The following NCOA2 variants were observed in gnomAD, a reference collection of about 807,000 sequenced individuals.
NCOA2 encodes the protein nuclear receptor coactivator 2.
In NCOA2, 21 loss-of-function variants were observed where a neutral mutation model predicts 145.1. That is an observed-to-expected ratio of 0.14 (90% CI 0.10 to 0.21). The LOEUF is 0.21. Ranked by LOEUF, NCOA2 falls within the 10% of genes least tolerant of loss-of-function variation. The probability of loss-of-function intolerance (pLI) is 1.00; values close to 1 mark genes in which losing one functional copy is unlikely to be tolerated. For missense variants in NCOA2, 1,472 were observed against 1,837.6 expected (o/e 0.80, Z 3.64); for synonymous variants, 619 against 637.5 (o/e 0.97, Z 0.44).
chr8:70,249,977 A>AAAAAG lies in NCOA2; in HGVS notation c.-19-33214_-19-33213insCTTTT, dbSNP rs751876043. 2.3e-3 allele frequency among the ~76,000 whole-genome samples: 315 copies of AAAAAG among 137,902 alleles called. 7 individuals are homozygous for AAAAAG. Among genetic ancestry groups the AAAAAG allele is most frequent in the Middle Eastern group, 3.7e-3 (1 of 268 alleles). The allele number at this position is 137,902 out of a possible 152,430, so 90.5% of individuals were successfully genotyped here. On this transcript the variant is annotated intron_variant, in intron 2 of 22. Transcript: ENST00000452400. ...GAATCTGCCTCCAAAAAAAAAAAAA[A>AAAAAG]AAGAAGAAGAAGAAGAAGAAGAAGA...
intron 5 of NCOA2, among the ~76,000 whole-genome samples, chr8:70,171,718 A>C (rs558575379): frequency 6.6e-6 from 1 of 152,330 alleles, no homozygotes; most frequent in Non-Finnish European, 1.5e-5. Context: ...CCTGGAGTAC[A>C]GTGGCACGAT....
At chr8:70,159,898 G>C (rs2132329406) in intron 9 of NCOA2, among the ~76,000 whole-genome samples, 1 of 152,252 alleles carries the variant, frequency 6.6e-6, no homozygotes, top group East Asian at 1.9e-4. Flanking sequence ...TAAGAGCCTG[G>C]ACCCTCAAAC....
chr8:70,139,644 C>CTTTTTTT lies in NCOA2; in HGVS notation c.3029-1319_3029-1313dup, dbSNP rs911504754. Among the ~76,000 whole-genome samples, 119 of 91,858 alleles carry CTTTTTTT rather than the reference C, an allele frequency of 1.3e-3. 8 individuals are homozygous for CTTTTTTT. Among genetic ancestry groups the CTTTTTTT allele is most frequent in the African/African-American group, 5.9e-3 (115 of 19,614 alleles). 60.3% of individuals were successfully genotyped at this position (91,858 alleles called of 152,430 possible). A position where few individuals can be genotyped will look rare whatever the true frequency, so the allele number is the denominator to read the frequency against. On this transcript the variant is annotated intron_variant, in intron 14 of 22. Coordinates refer to ENST00000452400, the MANE Select transcript of NCOA2 (RefSeq NM_006540.4). ...GTCTTGTCAAAACAACGCTGGCCAT[C>CTTTTTTT]TTTTTTTTTTTTTTTTTTTTTTTTT... is the stretch of plus-strand genomic sequence containing the variant.
chr8:70,160,728 T>A (rs1203987112), intron 9 of NCOA2, among the ~76,000 whole-genome samples: 1 of 148,984 alleles, frequency 6.7e-6, no homozygotes, highest in Non-Finnish European at 1.5e-5. Context: ...GATTCTAATT[T>A]CTTCGTAAAA....
intron 2 of NCOA2, among the ~76,000 whole-genome samples, chr8:70,224,569 G>A (rs1820442257): frequency 6.6e-6 from 1 of 152,000 alleles, no homozygotes; most frequent in Non-Finnish European, 1.5e-5. Context: ...AACAGACCTA[G>A]AACTTATAGA....
At position 70,144,728 on chromosome 8, in the gene NCOA2, C is replaced by T. The variant is rs368784535; in HGVS notation, c.2726G>A (p.Ser909Asn). 1 of 1,613,858 alleles carries T rather than the reference C, an allele frequency of 6.2e-7. No homozygotes were observed. Among genetic ancestry groups the T allele is most frequent in the Non-Finnish European group, 8.5e-7 (1 of 1,179,876 alleles). Residue 909 changes from serine to asparagine, a missense_variant, in exon 13 of 23, where the codon AGT becomes AAT. Physicochemically the swap from Ser to Asn is conservative, Grantham distance 46. Coordinates refer to ENST00000452400, the MANE Select transcript of NCOA2 (RefSeq NM_006540.4). ...TGGCTGAGGTATCACTGAGTAGGGA[C>T]TACTGTTTCTGATTGGTGGGAAAGG... ...AGPFPPIRNS[S>N]PYSVIPQPGM...
chr8:70,302,312 A>G (rs1016750751), intron 1 of NCOA2, among the ~76,000 whole-genome samples: 9 of 152,292 alleles, frequency 5.9e-5, no homozygotes, highest in South Asian at 2.1e-4. Flanking sequence ...TTGTTTCCCA[A>G]TAAGTTTGAT....
chr8:70,191,683 T>C (rs1188503641), intron 4 of NCOA2, among the ~76,000 whole-genome samples: 3 of 152,210 alleles, frequency 2.0e-5, no homozygotes, highest in Non-Finnish European at 2.9e-5. Flanking sequence ...TATGTTTTTA[T>C]AGAAGTGAGA....
At chr8:70,432,865 C>T in the NCOA2 span, among the ~76,000 whole-genome samples, 4 of 151,596 alleles carry the variant, frequency 2.6e-5, no homozygotes, top group Admixed American at 2.6e-4. Flanking sequence ...GGTTAAAGCC[C>T]CAATATTTTA....
chr8:70,391,367 G>A (rs1000115222), intron 1 of NCOA2, among the ~76,000 whole-genome samples: 1 of 152,124 alleles, frequency 6.6e-6, no homozygotes, highest in African/African-American at 2.4e-5. Flanking sequence ...TCCCAGGAGG[G>A]AAAAAATATC....
chr8:70,401,342 A>T (rs772370946), intron 1 of NCOA2, among the ~76,000 whole-genome samples: 4 of 152,202 alleles, frequency 2.6e-5, no homozygotes, highest in Non-Finnish European at 5.9e-5. Flanking sequence ...AGCAGTGTTT[A>T]AGAAAATTAA....
At position 70,253,406 on chromosome 8, in the gene NCOA2, A is replaced by G. The variant is rs115903901; in HGVS notation, c.-19-36642T>C. On this transcript the variant is annotated intron_variant, in intron 2 of 22. Coordinates refer to ENST00000452400, the MANE Select transcript of NCOA2 (RefSeq NM_006540.4). Reference sequence around the variant, plus strand: ...GGACTCATAATCAAAGAGGGAAAATAGAAGAGCAGGCAAAACCTAGAAAAC... The same window carrying G: ...GGACTCATAATCAAAGAGGGAAAATGGAAGAGCAGGCAAAACCTAGAAAAC... Among the ~76,000 whole-genome samples, 1,006 of 152,320 alleles carry G rather than the reference A, an allele frequency of 6.6e-3. 12 individuals carry two copies. Among genetic ancestry groups the G allele is most frequent in the African/African-American group, 0.023 (955 of 41,570 alleles).
intron 22 of NCOA2, among the ~76,000 whole-genome samples, 187 bp downstream of exon 22, chr8:70,121,115 G>A (rs1585717024): frequency 1.3e-5 from 2 of 152,262 alleles, no homozygotes; most frequent in African/African-American, 2.4e-5. Context: ...GGTACCATTA[G>A]CTGAGTTAAA....
chr8:70,416,949 T>C, the NCOA2 span, among the ~76,000 whole-genome samples: 6 of 152,170 alleles, frequency 3.9e-5, no homozygotes, highest in African/African-American at 1.4e-4. Flanking sequence ...AAATACTTGA[T>C]GTAAAATCAA....
intron 1 of NCOA2, among the ~76,000 whole-genome samples, chr8:70,356,407 A>G (rs1041489352): frequency 6.6e-5 from 10 of 152,234 alleles, no homozygotes; most frequent in African/African-American, 2.2e-4. Flanking sequence ...ATTCTACAGC[A>G]GCATAGGCAC....
rs940968281 is a variant in NCOA2, at chr8:70,110,661, T to C, written c.*2971A>G. On this transcript the variant is annotated 3_prime_UTR_variant, in exon 23 of 23. Transcript: ENST00000452400. ...ATGTGTTAAGCCCATATGAACTCCA[T>C]TTTTGAACACAGATTAAAAATTGCA... 9.4e-6 allele frequency: 2 copies of C among 213,236 alleles called. No individual in the cohort carries two copies. Among genetic ancestry groups the C allele is most frequent in the African/African-American group, 2.3e-5 (1 of 44,274 alleles). 13.2% of individuals were successfully genotyped at this position (213,236 alleles called of 1,614,324 possible). A position where few individuals can be genotyped will look rare whatever the true frequency, so the allele number is the denominator to read the frequency against.
the NCOA2 span, among the ~76,000 whole-genome samples, chr8:70,456,032 T>C: frequency 1.3e-5 from 2 of 150,364 alleles, no homozygotes; most frequent in South Asian, 2.1e-4. Flanking sequence ...ACTTTATAGA[T>C]GAAGACATTT....
chr8:70,143,959 G>A (rs1186548724), intron 13 of NCOA2, among the ~76,000 whole-genome samples: 5 of 152,238 alleles, frequency 3.3e-5, no homozygotes, highest in African/African-American at 9.6e-5. Context: ...ACAGCAATCG[G>A]TGCTACTGCA....
At chr8:70,175,702 T>A (rs1040467103) in intron 4 of NCOA2, among the ~76,000 whole-genome samples, 1 of 152,250 alleles carries the variant, frequency 6.6e-6, no homozygotes, top group East Asian at 1.9e-4. Flanking sequence ...AACACATACA[T>A]ATCAACAACT....
Sources: gnomAD v4.1 joint callset for allele counts (sites outside exome capture counted in the v4.1 genomes callset) on GRCh38, gnomAD v4.1.1 for gene constraint, MANE v1.5 for transcripts, NCBI Gene and HGNC (gene_info 2026-07-23, HGNC 2026-07-21) for gene names.